The following EP400 variants were observed in gnomAD, a reference collection of about 807,000 sequenced individuals.
EP400 encodes E1A binding protein p400.
In EP400, 105 loss-of-function variants were observed where a neutral mutation model predicts 354.1. The ratio of observed to expected loss-of-function variants is 0.30; its 90% CI spans 0.25 to 0.35. EP400 has a LOEUF of 0.35. Among genes scored for constraint, EP400 ranks in the 10% least tolerant of loss-of-function variants. The probability of loss-of-function intolerance (pLI) is 1.00; values close to 1 mark genes in which losing one functional copy is unlikely to be tolerated. For synonymous variants in EP400, 1,646 were observed against 1,716.9 expected, an observed-to-expected ratio of 0.96 and a Z score of 1.02; for missense variants, 3,280 against 4,121.0, an observed-to-expected ratio of 0.80 and a Z score of 5.59.
intron 39 of EP400, among the ~76,000 whole-genome samples, chr12:132,046,462 C>T (rs758218807): frequency 2.0e-5 from 3 of 152,156 alleles, no homozygotes; most frequent in Non-Finnish European, 4.4e-5. Flanking sequence ...TTACTGGTAC[C>T]TCTGCTATTC....
chr12:132,069,310 G>C (rs986018729), intron 50 of EP400, 185 bp from the exon 51 acceptor site: 3 of 796,026 alleles, frequency 3.8e-6, no homozygotes, highest in Non-Finnish European at 5.6e-6. Flanking sequence ...CATGGGCAGA[G>C]GTAGGCCTGG....
Position 132,013,077 on chromosome 12 carries a change from C to G in EP400, c.3510C>G (p.Thr1170=). ...ACACTCAGTTCTTCCGGGGCCTCAC[C>G]GCCTTCACACGAGTGCGCTGGAAGT... The part of the protein sequence containing the change: ...TSYTQFFRGL[T]AFTRVRWKCL... The change falls in exon 17 of 53, where the codon ACC becomes ACG. Residue 1170 remains threonine (T), a synonymous_variant. Transcript: ENST00000389561. This position sits in a 1 kb window ranked among gnomAD's most constrained non-coding sequence, Gnocchi z 4.5. 6.2e-7 allele frequency: 1 copy of G among 1,614,068 alleles called. No individual in the cohort carries two copies. Among genetic ancestry groups the G allele is most frequent in the East Asian group, 2.2e-5 (1 of 44,878 alleles).
In EP400 at chr12:132,054,850, G is replaced by T. The variant is rs1366265942; in HGVS notation, c.7729-124G>T. On this transcript the variant is annotated intron_variant, in intron 43 of 52. Transcript: ENST00000389561. This position sits in a 1 kb window ranked among gnomAD's most constrained non-coding sequence, Gnocchi z 4.0. ...AGGTGGAATGAGCTGGGGAGGATGG[G>T]ACAGGTGGCTGTGTGAATGTCGTGG... 3.1e-5 allele frequency: 31 copies of T among 987,370 alleles called. No homozygotes were observed. The highest frequency in any genetic ancestry group is 4.6e-5 in the Non-Finnish European group (29 of 625,608). The allele number at this position is 987,370 out of a possible 1,614,324, so 61.2% of individuals were successfully genotyped here. A position where few individuals can be genotyped will look rare whatever the true frequency, so the allele number is the denominator to read the frequency against.
chr12:131,963,713 A>T, intron 2 of EP400: 1 of 1,216,334 alleles, frequency 8.2e-7, no homozygotes, highest in Non-Finnish European at 1.2e-6. Context: ...TTAACCTTCG[A>T]TATACTACTT....
At chr12:132,065,306 G>T in intron 48 of EP400, 1 of 202,184 alleles carries the variant, frequency 4.9e-6, no homozygotes, top group Non-Finnish European at 1.0e-5. Context: ...GGCAGGGAGA[G>T]CATTTGGAGA....
chr12:132,015,401 G>T (rs1402254459), intron 19 of EP400, among the ~76,000 whole-genome samples: 1 of 152,306 alleles, frequency 6.6e-6, no homozygotes, highest in East Asian at 1.9e-4. Context: ...GTCAGCTTTG[G>T]TAACATACTA....
chr12:131,963,597 G>T (rs539593927), intron 2 of EP400: 29 of 1,598,246 alleles, frequency 1.8e-5, no homozygotes, highest in South Asian at 4.4e-5. Context: ...CCCAGCTTCC[G>T]CCAAAGGTTT....
Position 131,990,723 on chromosome 12 carries a change from C to A in EP400, c.2629+9C>A. 6.3e-7 allele frequency: 1 copy of A among 1,595,640 alleles called. No individual in the cohort carries two copies. The highest frequency in any genetic ancestry group is 1.1e-5 in the South Asian group (1 of 87,992). On this transcript the variant is annotated intron_variant, in intron 9 of 52. Coordinates refer to ENST00000389561, the MANE Select transcript of EP400 (RefSeq NM_015409.5). This position sits in a 1 kb window ranked among gnomAD's most constrained non-coding sequence, Gnocchi z 4.2. ...GAAAGTTTCCAGGAGAGGTAGGACCCTTTAAAAAAAGGCTCACCACGCTTG... is the reference window on the plus strand; with the variant it reads ...GAAAGTTTCCAGGAGAGGTAGGACCATTTAAAAAAAGGCTCACCACGCTTG...
At chr12:131,956,466 AT>A (rs968405519) in intron 1 of EP400, among the ~76,000 whole-genome samples, 3 of 151,748 alleles carry the variant, frequency 2.0e-5, no homozygotes, top group Non-Finnish European at 4.4e-5. Context: ...ATGCTTTTTA[AT>A]TTTTTTTGTT....
At chr12:131,978,033 A>G (rs570379462) in intron 2 of EP400, among the ~76,000 whole-genome samples, 5 of 152,346 alleles carry the variant, frequency 3.3e-5, no homozygotes, top group South Asian at 4.1e-4. Flanking sequence ...AGTCCTTAGC[A>G]TTTACTTTAA....
chr12:132,043,800 A>G (rs942662620), intron 34 of EP400, 72 bp downstream of exon 34: 92 of 1,307,864 alleles, frequency 7.0e-5, no homozygotes, highest in African/African-American at 1.6e-4. Flanking sequence ...TTTGAAGTAA[A>G]TGTGACTTCA....
chr12:132,006,122 C>A lies in EP400; in HGVS notation c.2946C>A (p.Asp982Glu), dbSNP rs765511740. 6.2e-7 allele frequency: 1 copy of A among 1,613,654 alleles called. No individual in the cohort carries two copies. The highest frequency in any genetic ancestry group is 2.2e-5 in the East Asian group (1 of 44,858). Residue 982 changes from aspartate to glutamate, a missense_variant, in exon 14 of 53, where the codon GAC (aspartate) becomes GAA (glutamate). Physicochemically the swap from Asp to Glu is conservative, Grantham distance 45. Around this residue, in one of 20 missense-constraint regions of EP400, gnomAD observed 800 missense variants for 840.0 expected, o/e 0.95. Transcript: ENST00000389561. ...EDTSGEEDAD[D>E]CPGDRESRKD... ...TTATTGTCGTTACAGATGCAGATGA[C>A]TGTCCAGGCGACAGGGAGAGTCGCA...
chr12:131,978,444 GT>G lies in EP400; in HGVS notation c.1336-1246del, dbSNP rs1892556857. Reference sequence around the variant, plus strand: ...AACCACTCATCTTTTTGTCTCTATAGTTTTGCCTTTTCCAAGACATCACAGA... The same window carrying G: ...AACCACTCATCTTTTTGTCTCTATAGTTTGCCTTTTCCAAGACATCACAGA... On this transcript the variant is annotated intron_variant, in intron 2 of 52. Coordinates refer to ENST00000389561, the MANE Select transcript of EP400 (RefSeq NM_015409.5). 3.3e-5 allele frequency among the ~76,000 whole-genome samples: 5 copies of G among 152,234 alleles called. No individual in the cohort carries two copies. In the South Asian group the frequency reaches 1.0e-3, roughly 32 times the overall value.
At chr12:132,063,957 G>C (rs898779607) in intron 47 of EP400, among the ~76,000 whole-genome samples, 10 of 151,886 alleles carry the variant, frequency 6.6e-5, no homozygotes, top group Non-Finnish European at 1.5e-5. Flanking sequence ...GTCAGAGCCG[G>C]GCTTTGACCC....
rs61095317 is a variant in EP400, at chr12:132,064,024, A to ACC, written c.8335-636_8335-635dup. Reference sequence around the variant, plus strand: ...ACCTGCCCCGGTTCAACCACTGATGACCCCCCCCCGGCCCACAGCCACACA... The same window carrying ACC: ...ACCTGCCCCGGTTCAACCACTGATGACCCCCCCCCCCGGCCCACAGCCACACA... On this transcript the variant is annotated intron_variant, in intron 47 of 52. Transcript: ENST00000389561. Among the ~76,000 whole-genome samples, 17 of 76,930 alleles carry ACC rather than the reference A, an allele frequency of 2.2e-4. 1 individual carries two copies. The highest frequency in any genetic ancestry group is 1.1e-3 in the Admixed American group (8 of 7,080). The allele number at this position is 76,930 out of a possible 152,430, so 50.5% of individuals were successfully genotyped here.
intron 21 of EP400, among the ~76,000 whole-genome samples, chr12:132,019,707 C>G (rs1279318064): frequency 6.6e-6 from 1 of 152,186 alleles, no homozygotes; most frequent in Non-Finnish European, 1.5e-5. Context: ...CTCCTCACTC[C>G]CCTCAGCCCT....
rs977238276 is a variant in EP400 at position 132,056,431 on chromosome 12, A to G, written c.7884+1223A>G. Among the ~76,000 whole-genome samples the G allele has an allele frequency of 1.2e-4, 18 of 152,140 alleles. 1 individual carries two copies. The highest frequency in any genetic ancestry group is 4.1e-4 in the African/African-American group (17 of 41,470). ...CCTCCCCAACACAACACACGCACAC[A>G]CACACACACACACACATTTTCAGTT... On this transcript the variant is annotated intron_variant, in intron 45 of 52. Transcript: ENST00000389561.
chr12:132,069,516 A>G lies in EP400; in HGVS notation c.8896A>G (p.Thr2966Ala). The G allele has an allele frequency of 6.2e-7, 1 of 1,614,060 alleles. No individual in the cohort carries two copies. The highest frequency in any genetic ancestry group is 1.1e-5 in the South Asian group (1 of 91,072). Residue 2966 changes from threonine (T) to alanine (A), a missense_variant, in exon 51 of 53, where the codon ACC becomes GCC. Around this residue, in one of 20 missense-constraint regions of EP400, gnomAD observed 279 missense variants for 386.7 expected, o/e 0.72. Transcript: ENST00000389561. ...CCAGATCACCGCACAGCAGATCACC[A>G]CCCCTGGCGCGCAGCAGAAGGTTGC... ...QQKITAQQIT[T>A]PGAQQKVAYA...
At chr12:131,969,283 G>T (rs1892209658) in intron 2 of EP400, among the ~76,000 whole-genome samples, 1 of 152,054 alleles carries the variant, frequency 6.6e-6, no homozygotes. Context: ...TGTAAAAATG[G>T]TAAATTATAT....
Sources: gnomAD v4.1 joint callset for allele counts (sites outside exome capture counted in the v4.1 genomes callset) on GRCh38, gnomAD v4.1.1 for gene constraint, gnomAD v4.1.1 regional missense constraint, Gnocchi (gnomAD v3.1) non-coding constraint, MANE v1.5 for transcripts, NCBI Gene and HGNC (gene_info 2026-07-23, HGNC 2026-07-21) for gene names.